SYNE1: variants seen among roughly 807,000 people sequenced by gnomAD.
The protein encoded by SYNE1 is spectrin repeat containing nuclear envelope protein 1.
In SYNE1, 616 loss-of-function variants were observed where a neutral mutation model predicts 1,111.0. The ratio of observed to expected loss-of-function variants is 0.55; its 90% confidence interval spans 0.52 to 0.59. SYNE1 has a LOEUF of 0.59. Ranked by LOEUF, SYNE1 falls within the 20% of genes least tolerant of loss-of-function variation. The probability of loss-of-function intolerance (pLI) is 0.00; values close to 1 mark genes in which losing one functional copy is unlikely to be tolerated. For missense variants in SYNE1, 10,006 were observed against 10,417.0 expected (o/e 0.96, Z 1.72); for synonymous variants, 3,855 against 3,825.8 (o/e 1.01, Z -0.28).
At chr6:152,214,405 G>T (rs1303537952) in intron 122 of SYNE1, among the ~76,000 whole-genome samples, 1 of 152,024 alleles carries the variant, frequency 6.6e-6, no homozygotes, top group African/African-American at 2.4e-5. Flanking sequence ...CAGTGTTATG[G>T]GAAAGATCAG....
rs1275505230 is a variant in SYNE1, at chr6:152,213,631, T to C, written c.22475A>G (p.Glu7492Gly). The change falls in exon 123 of 146, where the codon GAA becomes GGA. Residue 7492 changes from glutamate to glycine, a missense_variant. Around this residue, in one of 7 missense-constraint regions of SYNE1, gnomAD observed 2,182 missense variants for 2,287.8 expected, o/e 0.95. Coordinates refer to ENST00000367255, the MANE Select transcript of SYNE1 (RefSeq NM_182961.4). ...EISGNYQHLL[E>G]QQRAHELFQA... ...ACTTACCTCGTGTGCTCTCTGCTGT[T>C]CCAAAAGGTGCTGATAATTTCCTGA... 6.2e-7 allele frequency: 1 copy of C among 1,614,136 alleles called. No individual in the cohort carries two copies.
intron 121 of SYNE1, 95 bp downstream of exon 121, chr6:152,218,162 A>T (rs1265703583): frequency 6.9e-7 from 1 of 1,457,996 alleles, no homozygotes; most frequent in East Asian, 2.3e-5. Flanking sequence ...ACGGCACTCC[A>T]GCTTGGGCGA....
rs142651667 is a variant in SYNE1 at position 152,220,951 on chromosome 6, C to T, written c.21752G>A (p.Cys7251Tyr). The change falls in exon 119 of 146, where the codon TGT becomes TAT. Residue 7251 changes from cysteine (C) to tyrosine (Y), a missense_variant. Cys to Tyr is a radical substitution (Grantham distance 194). This residue lies in a region of SYNE1 where 2,182 missense variants were observed against 2,287.8 expected (regional missense o/e 0.95). Transcript: ENST00000367255. ...CTCCTGCTGCTGAACTGTCGAAGCA[C>T]ACTGTTTGGAGTAGTCCTTGTATCT... is the stretch of plus-strand genomic sequence containing the variant. ...WQRYKDYSKQ[C>Y]ASTVQQQEDR... 14 of 1,614,054 alleles carry T rather than the reference C, an allele frequency of 8.7e-6. No homozygotes were observed. Among genetic ancestry groups the T allele is most frequent in the Non-Finnish European group, 1.2e-5 (14 of 1,180,010 alleles).
chr6:152,373,219 C>G lies in SYNE1; in HGVS notation c.9325G>C (p.Glu3109Gln), dbSNP rs776421373. Reference sequence around the variant, plus strand: ...CCATTTTCACTTTCTGACAAAAACTCCTATAAAAGAAAATATAGAATTAGC... The same window carrying G: ...CCATTTTCACTTTCTGACAAAAACTGCTATAAAAGAAAATATAGAATTAGC... ...EVSTSLQKIQ[E>Q]FLSESENGQH... The change falls in exon 59 of 146, where the codon GAG becomes CAG. Residue 3109 changes from glutamate to glutamine, a missense_variant and splice_region_variant. Glu to Gln is a conservative substitution (Grantham distance 29, BLOSUM62 2). This residue lies in a region of SYNE1 where 4,955 missense variants were observed against 5,017.2 expected (regional missense o/e 0.99). Coordinates refer to ENST00000367255, the MANE Select transcript of SYNE1 (RefSeq NM_182961.4). 8.1e-6 allele frequency: 13 copies of G among 1,609,192 alleles called. No individual in the cohort carries two copies. The South Asian group carries it at 1.4e-4, about 18-fold the overall frequency.
intron 87 of SYNE1, 110 bp downstream of exon 87, chr6:152,316,739 T>C (rs1257936861): frequency 7.7e-6 from 10 of 1,291,174 alleles, no homozygotes; most frequent in Admixed American, 5.8e-5. Flanking sequence ...TCTTTTTATC[T>C]GGTAGCTCCA....
rs766033119 is a variant in SYNE1 at position 152,206,189 on chromosome 6, T to A, written c.22998A>T (p.Lys7666Asn). The change falls in exon 126 of 146, where the codon AAA becomes AAT. Residue 7666 changes from lysine to asparagine, a missense_variant. Physicochemically the swap from Lys to Asn is moderately conservative, Grantham distance 94. This residue lies in a region of SYNE1 where 2,182 missense variants were observed against 2,287.8 expected (regional missense o/e 0.95). Transcript: ENST00000367255. ...SASMRLEEQK[K>N]KLAFLLKDWE... The stretch of plus-strand genomic sequence containing the variant: ...TTACTTTCAACAAGAAGGCTAGTTT[T>A]TTCTTCTGTTCTTCCAGCCGCATGC... 15 of 1,613,570 alleles carry A rather than the reference T, an allele frequency of 9.3e-6. No individual in the cohort carries two copies. Among genetic ancestry groups the A allele is most frequent in the Non-Finnish European group, 1.3e-5 (15 of 1,180,034 alleles).
At chr6:152,363,163 G>C (rs2096965608) in intron 63 of SYNE1, among the ~76,000 whole-genome samples, 1 of 148,894 alleles carries the variant, frequency 6.7e-6, no homozygotes, top group Non-Finnish European at 1.5e-5. Flanking sequence ...ATACAGGCGT[G>C]AGCCACCACA....
intron 145 of SYNE1, among the ~76,000 whole-genome samples, chr6:152,123,426 C>A (rs548327894): frequency 6.6e-6 from 1 of 152,116 alleles, no homozygotes; most frequent in Non-Finnish European, 1.5e-5. Context: ...TCCTACAGCC[C>A]CTTCTACACT....
rs143105336 is a variant in SYNE1 at position 152,385,758 on chromosome 6, G to A, written c.8568C>T (p.Leu2856=). 2 of 1,614,042 alleles carry A rather than the reference G, an allele frequency of 1.2e-6. No individual in the cohort carries two copies. Among genetic ancestry groups the A allele is most frequent in the Non-Finnish European group, 1.7e-6 (2 of 1,179,978 alleles). ...LDAVHEFTDW[L]HSAKEELHRW... is the part of the protein sequence containing the mutation. ...GGTGAAGTTCTTCCTTTGCTGAATG[G>A]AGCCAATCTGTGAACTCGTGGACCG... Residue 2856 remains leucine, a synonymous_variant, in exon 55 of 146, where the codon CTC becomes CTT. Coordinates refer to ENST00000367255, the MANE Select transcript of SYNE1 (RefSeq NM_182961.4).
At chr6:152,470,144 A>T (rs1411694285) in intron 16 of SYNE1, among the ~76,000 whole-genome samples, 1 of 152,212 alleles carries the variant, frequency 6.6e-6, no homozygotes, top group Non-Finnish European at 1.5e-5. Flanking sequence ...TAGCTGAGTG[A>T]ACTTGATGAA....
At chr6:152,346,743 G>A (rs1440724706) in intron 73 of SYNE1, among the ~76,000 whole-genome samples, 1 of 152,078 alleles carries the variant, frequency 6.6e-6, no homozygotes, top group Non-Finnish European at 1.5e-5. Flanking sequence ...CTGGGAGGCG[G>A]AGCTTGCAGT....
At chr6:152,282,603 A>G (rs1373375836) in intron 96 of SYNE1, among the ~76,000 whole-genome samples, 1 of 152,222 alleles carries the variant, frequency 6.6e-6, no homozygotes, top group East Asian at 1.9e-4. Flanking sequence ...CAAGTTTTTC[A>G]TAGAGTTACT....
chr6:152,138,281 C>T (rs552434195), intron 140 of SYNE1, among the ~76,000 whole-genome samples: 2 of 152,100 alleles, frequency 1.3e-5, no homozygotes, highest in African/African-American at 2.4e-5. Flanking sequence ...GAGGCCGAGG[C>T]GGGCGGATCA....
intron 18 of SYNE1, 147 bp downstream of exon 18, chr6:152,465,111 T>G (rs899531039): frequency 2.4e-6 from 2 of 828,714 alleles, no homozygotes; most frequent in Non-Finnish European, 4.0e-6. Context: ...GGTCTGTTGC[T>G]AACCTGAAAG....
chr6:152,211,558 G>C lies in SYNE1; in HGVS notation c.22525C>G (p.Gln7509Glu). The C allele has an allele frequency of 6.2e-7, 1 of 1,613,768 alleles. No individual in the cohort carries two copies. Among genetic ancestry groups the C allele is most frequent in the South Asian group, 1.1e-5 (1 of 91,066 alleles). Reference protein sequence around the residue: ...LFQAEMFSRQQILHSIIIDGQ... With the variant: ...LFQAEMFSRQEILHSIIIDGQ... ...TCAATAATGATTGAGTGCAAAATCT[G>C]CTGACGACTGAACATCTCGGCTTGA... The change falls in exon 124 of 146, where the codon CAG becomes GAG. Residue 7509 changes from glutamine to glutamate, a missense_variant. Gln to Glu is a conservative substitution (Grantham distance 29, BLOSUM62 2). Coordinates refer to ENST00000367255, the MANE Select transcript of SYNE1 (RefSeq NM_182961.4).
At chr6:152,133,594 G>C in intron 142 of SYNE1, 106 bp from the exon 143 acceptor site, 1 of 1,132,244 alleles carries the variant, frequency 8.8e-7, no homozygotes, top group South Asian at 1.3e-5. Flanking sequence ...AATTATACCT[G>C]AGCATCAAAC....
intron 105 of SYNE1, among the ~76,000 whole-genome samples, chr6:152,245,960 C>A (rs953315019): frequency 8.5e-5 from 13 of 152,170 alleles, no homozygotes; most frequent in African/African-American, 3.1e-4. Context: ...TAACTGGATG[C>A]TCCCTGCATG....
At chr6:152,134,935 G>T in intron 142 of SYNE1, 169 bp downstream of exon 142, 1 of 768,178 alleles carries the variant, frequency 1.3e-6, no homozygotes, top group South Asian at 1.8e-5. Context: ...GCACATGTTT[G>T]CTTTACAAAG....
chr6:152,296,194 C>T (rs2094871126), intron 93 of SYNE1, among the ~76,000 whole-genome samples: 1 of 152,194 alleles, frequency 6.6e-6, no homozygotes, highest in Non-Finnish European at 1.5e-5. Context: ...CTTGCCAGAC[C>T]TCTAGCATTC....
Sources: allele counts gnomAD v4.1 joint callset (sites outside exome capture counted in the v4.1 genomes callset), GRCh38; gene constraint gnomAD v4.1.1; regional missense constraint gnomAD v4.1.1; transcripts MANE v1.5; gene names NCBI Gene and HGNC (gene_info 2026-07-23, HGNC 2026-07-21).